The following ZBTB8A variants were observed in gnomAD, a reference collection of about 807,000 sequenced individuals.
The protein encoded by ZBTB8A is zinc finger and BTB domain containing 8A.
In ZBTB8A, 19 loss-of-function variants were observed where a neutral mutation model predicts 37.8. That is an observed-to-expected ratio of 0.50 (90% CI 0.35 to 0.74). The LOEUF is 0.74. ZBTB8A is among the 30% of genes least tolerant of loss of function. ZBTB8A has a pLI of 0.01. For synonymous variants in ZBTB8A, 181 were observed against 185.2 expected, an observed-to-expected ratio of 0.98 and a Z score of 0.19; for missense variants, 394 against 537.8, an observed-to-expected ratio of 0.73 and a Z score of 2.65.
At position 32,604,938 on chromosome 1, in the gene ZBTB8A, G is replaced by A. The variant is rs550815300; in HGVS notation, c.*4519G>A. 6.6e-6 allele frequency: 1 copy of A among 152,016 alleles called. No individual in the cohort carries two copies. The highest frequency in any genetic ancestry group is 1.5e-5 in the Non-Finnish European group (1 of 67,974). The allele number at this position is 152,016 out of a possible 1,614,324, so 9.4% of individuals were successfully genotyped here. Reference sequence around the variant, plus strand: ...GGCCGAGGCGGGCGGATCACTTAAGGCCAGGTGTTCGAGACCATCCTGGCC... The same window carrying A: ...GGCCGAGGCGGGCGGATCACTTAAGACCAGGTGTTCGAGACCATCCTGGCC... On this transcript the variant is annotated 3_prime_UTR_variant, in exon 5 of 5. Coordinates refer to ENST00000373510, the MANE Select transcript of ZBTB8A (RefSeq NM_001040441.3).
Position 32,549,268 on chromosome 1 carries a change from C to A in ZBTB8A, c.-83-4191C>A, listed in dbSNP as rs577423663. Among the ~76,000 whole-genome samples, 2 of 152,038 alleles carry A rather than the reference C, an allele frequency of 1.3e-5. 1 individual carries two copies. Among genetic ancestry groups the A allele is most frequent in the African/African-American group, 4.8e-5 (2 of 41,484 alleles). On this transcript the variant is annotated intron_variant, in intron 1 of 4. Transcript: ENST00000373510. The stretch of plus-strand genomic sequence containing the variant: ...CAGCACTTTGGGAGGCCGAGGCGGG[C>A]GGATCACCTGAGGTCAGTAGTTCGA...
intron 2 of ZBTB8A, among the ~76,000 whole-genome samples, chr1:32,590,625 TG>T (rs1644481221): frequency 6.6e-6 from 1 of 152,172 alleles, no homozygotes; most frequent in Non-Finnish European, 1.5e-5. Flanking sequence ...AAACTTCAGC[TG>T]TATTTTATCC....
intron 2 of ZBTB8A, among the ~76,000 whole-genome samples, chr1:32,591,637 A>G (rs113480251): frequency 2.6e-4 from 40 of 152,006 alleles, no homozygotes; most frequent in African/African-American, 9.4e-4. Flanking sequence ...GCTTGGCTGG[A>G]TGCAGTGGCT....
rs1432813763 is a variant in ZBTB8A, at chr1:32,603,963, T to G, written c.*3544T>G. On this transcript the variant is annotated 3_prime_UTR_variant, in exon 5 of 5. Transcript: ENST00000373510. ...CCAGTTATTTTCTAGAGTGAAACTG[T>G]CTATTGATGATTGAGAAAATTGAAT... The G allele has an allele frequency of 1.3e-5, 2 of 152,238 alleles. No homozygotes were observed. Among genetic ancestry groups the G allele is most frequent in the Non-Finnish European group, 2.9e-5 (2 of 68,042 alleles). The allele number at this position is 152,238 out of a possible 1,614,324, so 9.4% of individuals were successfully genotyped here.
At position 32,583,558 on chromosome 1, in the gene ZBTB8A, T is replaced by A. The variant is rs376426030; in HGVS notation, c.-1-9373T>A. On this transcript the variant is annotated intron_variant, in intron 2 of 4. Coordinates refer to ENST00000373510, the MANE Select transcript of ZBTB8A (RefSeq NM_001040441.3). The stretch of plus-strand genomic sequence containing the variant: ...TGTAATATACCATTTTAATAGATTG[T>A]TATGGGTTAAATTTGTTCCCCCAAA... 1.6e-4 allele frequency among the ~76,000 whole-genome samples: 24 copies of A among 152,178 alleles called. No individual in the cohort carries two copies. In the South Asian group the frequency reaches 5.0e-3, roughly 32 times the overall value.
chr1:32,546,846 G>A (rs1022707890), intron 1 of ZBTB8A, among the ~76,000 whole-genome samples: 6 of 152,110 alleles, frequency 3.9e-5, no homozygotes, highest in African/African-American at 1.4e-4. Context: ...TCTCCCTGGC[G>A]CTGTTGGACT....
At chr1:32,579,344 A>G (rs1033606142) in intron 2 of ZBTB8A, among the ~76,000 whole-genome samples, 1 of 151,788 alleles carries the variant, frequency 6.6e-6, no homozygotes, top group Non-Finnish European at 1.5e-5. Context: ...TCAGCTACTC[A>G]GGAGGCTGAA....
At chr1:32,580,947 G>C (rs1002576899) in intron 2 of ZBTB8A, among the ~76,000 whole-genome samples, 1 of 150,084 alleles carries the variant, frequency 6.7e-6, no homozygotes, top group East Asian at 2.0e-4. Context: ...CCAAGATAAC[G>C]GCATTAATCC....
chr1:32,565,256 A>G lies in ZBTB8A; in HGVS notation c.-2+11716A>G, dbSNP rs552931212. Among the ~76,000 whole-genome samples, 61 of 152,044 alleles carry G rather than the reference A, an allele frequency of 4.0e-4. 1 individual carries two copies. The South Asian group carries it at 0.012, about 29-fold the overall frequency. ...TTGAAAGATTGCTTGAGCCCAGGAC[A>G]CTGAGGCTGCAGTGAGCCGTGATCA... On this transcript the variant is annotated intron_variant, in intron 2 of 4. Coordinates refer to ENST00000373510, the MANE Select transcript of ZBTB8A (RefSeq NM_001040441.3).
intron 2 of ZBTB8A, among the ~76,000 whole-genome samples, chr1:32,579,081 T>C (rs1644384167): frequency 6.6e-6 from 1 of 152,132 alleles, no homozygotes; most frequent in Non-Finnish European, 1.5e-5. Flanking sequence ...TACTAAGATA[T>C]TACTCTTCCA....
chr1:32,555,646 T>C (rs768150626), intron 2 of ZBTB8A, among the ~76,000 whole-genome samples: 29 of 152,304 alleles, frequency 1.9e-4, no homozygotes, highest in South Asian at 1.0e-3. Context: ...TCTCAGCCCA[T>C]GCTTCCTCTG....
intron 2 of ZBTB8A, among the ~76,000 whole-genome samples, chr1:32,570,749 A>G (rs962190060): frequency 4.7e-4 from 72 of 152,220 alleles, no homozygotes; most frequent in African/African-American, 1.6e-3. Context: ...TTGATCCTGT[A>G]TCTTGTGACC....
At chr1:32,590,338 G>A (rs1187181065) in intron 2 of ZBTB8A, among the ~76,000 whole-genome samples, 6 of 152,038 alleles carry the variant, frequency 3.9e-5, no homozygotes, top group Admixed American at 3.9e-4. Flanking sequence ...TCTCACCTAA[G>A]GCCTTTTTTT....
intron 1 of ZBTB8A, among the ~76,000 whole-genome samples, chr1:32,543,877 C>T (rs1050882442): frequency 6.6e-5 from 10 of 152,048 alleles, no homozygotes; most frequent in Non-Finnish European, 8.8e-5. Context: ...AGGGTTTCAC[C>T]GTGTTCGCCA....
intron 2 of ZBTB8A, among the ~76,000 whole-genome samples, chr1:32,562,569 CTTT>C (rs751648634): frequency 7.2e-5 from 8 of 111,838 alleles, no homozygotes; most frequent in East Asian, 2.6e-4. Context: ...CCGCGTCCGG[CTTT>C]TTTTTTTTTT....
chr1:32,565,905 TAAG>T (rs983923065), intron 2 of ZBTB8A, among the ~76,000 whole-genome samples: 2 of 151,884 alleles, frequency 1.3e-5, no homozygotes, highest in African/African-American at 4.8e-5. Context: ...CTAGACCAAT[TAAG>T]AGAATAATTC....
At chr1:32,565,920 G>A (rs1644274707) in intron 2 of ZBTB8A, among the ~76,000 whole-genome samples, 2 of 152,114 alleles carry the variant, frequency 1.3e-5, no homozygotes, top group African/African-American at 4.8e-5. Context: ...GAATAATTCT[G>A]GCCGGGCACC....
At chr1:32,541,865 C>T (rs1322874817) in intron 1 of ZBTB8A, among the ~76,000 whole-genome samples, 1 of 152,166 alleles carries the variant, frequency 6.6e-6, no homozygotes, top group Non-Finnish European at 1.5e-5. Flanking sequence ...GATGAAGTTT[C>T]AACATGAATT....
chr1:32,564,149 C>G (rs543372463), intron 2 of ZBTB8A, among the ~76,000 whole-genome samples: 2 of 152,256 alleles, frequency 1.3e-5, no homozygotes, highest in African/African-American at 4.8e-5. Flanking sequence ...CACCAGATTT[C>G]TATGGCTTCT....
Sources: gnomAD v4.1 joint callset for allele counts (sites outside exome capture counted in the v4.1 genomes callset) on GRCh38, gnomAD v4.1.1 for gene constraint, MANE v1.5 for transcripts, NCBI Gene and HGNC (gene_info 2026-07-23, HGNC 2026-07-21) for gene names.